ARHGAP44: variants seen among roughly 807,000 people sequenced by gnomAD.
ARHGAP44 encodes the protein Rho GTPase activating protein 44.
In ARHGAP44, 43 loss-of-function variants were observed where a neutral mutation model predicts 106.8. The ratio of observed to expected loss-of-function variants is 0.40; its 90% CI spans 0.32 to 0.52. The LOEUF (loss-of-function observed/expected upper bound fraction) is 0.52. Among genes scored for constraint, ARHGAP44 ranks in the 20% least tolerant of loss-of-function variants. The pLI, the probability that ARHGAP44 is intolerant of heterozygous loss-of-function variation, is 0.48. For synonymous variants in ARHGAP44, 439 were observed against 410.3 expected (o/e 1.07, Z -0.85); for missense variants, 866 against 1,050.5 (o/e 0.82, Z 2.43).
intron 4 of ARHGAP44, among the ~76,000 whole-genome samples, chr17:12,909,266 AC>A (rs1229415696): frequency 6.6e-6 from 1 of 152,198 alleles, no homozygotes; most frequent in Non-Finnish European, 1.5e-5. Flanking sequence ...GTCAGAACTT[AC>A]GAGATTCTCA....
At chr17:12,955,713 T>A in intron 13 of ARHGAP44, 154 bp from the exon 14 acceptor site, 1 of 562,684 alleles carries the variant, frequency 1.8e-6, no homozygotes, top group Non-Finnish European at 3.2e-6. Context: ...AGAATTTCCA[T>A]TTCCTGACAC....
At chr17:12,835,526 G>A (rs2035212534) in intron 1 of ARHGAP44, among the ~76,000 whole-genome samples, 1 of 152,230 alleles carries the variant, frequency 6.6e-6, no homozygotes, top group East Asian at 1.9e-4. Flanking sequence ...AAGATAAAAT[G>A]AGTATTTGTG....
At chr17:12,967,711 C>T (rs2039427751) in intron 16 of ARHGAP44, among the ~76,000 whole-genome samples, 2 of 152,164 alleles carry the variant, frequency 1.3e-5, no homozygotes, top group South Asian at 2.1e-4. Flanking sequence ...TTCATTGCTT[C>T]CCTCTTGAAC....
At chr17:12,852,780 A>G (rs2035794087) in intron 1 of ARHGAP44, among the ~76,000 whole-genome samples, 2 of 151,928 alleles carry the variant, frequency 1.3e-5, no homozygotes, top group Admixed American at 1.3e-4. Context: ...TGACCTTGTG[A>G]TCCGCCCACC....
At chr17:12,913,029 G>A (rs533857564) in intron 4 of ARHGAP44, among the ~76,000 whole-genome samples, 1 of 152,292 alleles carries the variant, frequency 6.6e-6, no homozygotes, top group East Asian at 1.9e-4. Context: ...GAAGATTCCA[G>A]GAAGACAGAT....
chr17:12,987,228 CGT>C, intron 20 of ARHGAP44: 1 of 1,334,238 alleles, frequency 7.5e-7, no homozygotes, highest in African/African-American at 1.5e-5. Flanking sequence ...CTCCGCTCCT[CGT>C]CTCTGCATGT....
At chr17:12,884,631 G>A (rs949382569) in intron 1 of ARHGAP44, among the ~76,000 whole-genome samples, 2 of 152,052 alleles carry the variant, frequency 1.3e-5, no homozygotes, top group East Asian at 1.9e-4. Flanking sequence ...CACCACAAAC[G>A]AATTACAGAA....
chr17:12,854,687 G>A (rs753265231), intron 1 of ARHGAP44, among the ~76,000 whole-genome samples: 2 of 152,046 alleles, frequency 1.3e-5, no homozygotes, highest in African/African-American at 4.8e-5. Context: ...GGCTGAGCGC[G>A]GTGGCTCATG....
At chr17:12,985,215 AG>A (rs1360447634) in intron 20 of ARHGAP44, 1 of 319,924 alleles carries the variant, frequency 3.1e-6, no homozygotes, top group East Asian at 5.6e-5. Context: ...GTGGGGCCTC[AG>A]GAGAGGCTGG....
In ARHGAP44 at chr17:12,990,316, TTG is replaced by T. The variant is rs1454759074; in HGVS notation, c.*148_*149del. On this transcript the variant is annotated 3_prime_UTR_variant, in exon 21 of 21. Coordinates refer to ENST00000379672, the MANE Select transcript of ARHGAP44 (RefSeq NM_014859.6). ...CACGAGGTTGGAATTTGGCAGAAAA[TTG>T]TGATCTCCAGTCCGTGTGGTGATGC... The T allele has an allele frequency of 5.4e-6, 6 of 1,109,378 alleles. No individual in the cohort carries two copies. In the Admixed American group the frequency reaches 1.5e-4, roughly 28 times the overall value. 68.7% of individuals were successfully genotyped at this position (1,109,378 alleles called of 1,614,324 possible).
At chr17:12,948,040 G>A (rs1285716563) in intron 10 of ARHGAP44, among the ~76,000 whole-genome samples, 1 of 152,222 alleles carries the variant, frequency 6.6e-6, no homozygotes, top group South Asian at 2.1e-4. Flanking sequence ...TGTTCTGCCT[G>A]CTTGTTTATC....
chr17:12,987,331 G>A, intron 20 of ARHGAP44: 2 of 540,670 alleles, frequency 3.7e-6, no homozygotes, highest in Non-Finnish European at 6.4e-6. Flanking sequence ...TGGCTTTGGG[G>A]CATCCCTGGC....
intron 16 of ARHGAP44, among the ~76,000 whole-genome samples, chr17:12,967,858 C>T (rs2039431530): frequency 6.6e-6 from 1 of 152,116 alleles, no homozygotes; most frequent in African/African-American, 2.4e-5. Flanking sequence ...TCTACTTCTC[C>T]CTGCTTACAC....
chr17:12,929,923 C>A (rs2038351189), intron 7 of ARHGAP44, among the ~76,000 whole-genome samples: 1 of 152,212 alleles, frequency 6.6e-6, no homozygotes, highest in African/African-American at 2.4e-5. Flanking sequence ...TTTTCTCTTA[C>A]AGCCACCCTG....
rs1293736007 is a variant in ARHGAP44 at position 12,987,184 on chromosome 17, CG to C, written c.2317+2277del. ...TGGCCCCGGCCTCGCCCCTCCACCC[CG>C]CTAGCTAGCCAGGCCAGCTGCCCGC... On this transcript the variant is annotated intron_variant, in intron 20 of 20. Coordinates refer to ENST00000379672, the MANE Select transcript of ARHGAP44 (RefSeq NM_014859.6). The C allele has an allele frequency of 2.6e-6, 4 of 1,520,692 alleles. No individual in the cohort carries two copies. The African/African-American group carries it at 4.2e-5, about 16-fold the overall frequency. 94.2% of individuals were successfully genotyped at this position (1,520,692 alleles called of 1,614,324 possible).
At chr17:12,795,476 A>G (rs2033890819) in intron 1 of ARHGAP44, among the ~76,000 whole-genome samples, 1 of 152,054 alleles carries the variant, frequency 6.6e-6, no homozygotes, top group African/African-American at 2.4e-5. Flanking sequence ...TTAAATAGCA[A>G]TTAATCATTT....
intron 1 of ARHGAP44, among the ~76,000 whole-genome samples, chr17:12,864,662 GT>G (rs1465753539): frequency 6.6e-6 from 1 of 152,134 alleles, no homozygotes; most frequent in African/African-American, 2.4e-5. Context: ...GTAACACGAA[GT>G]TATGAGCACA....
intron 6 of ARHGAP44, among the ~76,000 whole-genome samples, chr17:12,923,272 G>A (rs759266770): frequency 4.6e-5 from 7 of 151,974 alleles, no homozygotes; most frequent in East Asian, 1.9e-4. Flanking sequence ...GTGCAATGGC[G>A]CAATCTCAGT....
chr17:12,874,036 TAA>T, intron 1 of ARHGAP44, among the ~76,000 whole-genome samples: 1 of 152,304 alleles, frequency 6.6e-6, no homozygotes, highest in East Asian at 1.9e-4. Context: ...AGTCCAGGTA[TAA>T]GTGGTTGTTG....
Sources: gnomAD v4.1 joint callset for allele counts (sites outside exome capture counted in the v4.1 genomes callset) on GRCh38, gnomAD v4.1.1 for gene constraint, MANE v1.5 for transcripts, NCBI Gene and HGNC (gene_info 2026-07-23, HGNC 2026-07-21) for gene names.